Variants in PLD5 observed in about 807,000 individuals in gnomAD.
The protein encoded by PLD5 is inactive phospholipase D5.
PLD5 carries 36 observed loss-of-function variants against 61.1 expected under a neutral mutation model. The observed-to-expected ratio is 0.59, with a 90% CI of 0.45 to 0.78. The LOEUF is 0.78. PLD5 is among the 30% of genes least tolerant of loss of function. The pLI is 0.00. For missense variants in PLD5, 515 were observed against 644.4 expected (o/e 0.80, Z 2.17); for synonymous variants, 243 against 242.8 (o/e 1.00, Z -0.01).
At chr1:242,295,116 C>T (rs1395556134) in intron 2 of PLD5, among the ~76,000 whole-genome samples, 1 of 152,044 alleles carries the variant, frequency 6.6e-6, no homozygotes, top group African/African-American at 2.4e-5. Context: ...GGTTTTTTTA[C>T]CCTTACTGTG....
rs997305946 is a variant in PLD5 at position 242,430,091 on chromosome 1, A to G, written c.190-81849T>C. On this transcript the variant is annotated intron_variant, in intron 1 of 9. Transcript: ENST00000536534. Reference sequence around the variant, plus strand: ...AGTCTTTAAGGGGCCAGGAATCCCAAAACACCACTAGAATTCCATGTAATT... The same window carrying G: ...AGTCTTTAAGGGGCCAGGAATCCCAGAACACCACTAGAATTCCATGTAATT... Among the ~76,000 whole-genome samples the G allele has an allele frequency of 3.9e-5, 6 of 151,934 alleles. No individual in the cohort carries two copies. The South Asian group carries it at 1.2e-3, about 32-fold the overall frequency.
intron 4 of PLD5, among the ~76,000 whole-genome samples, chr1:242,251,160 A>G (rs79183780): frequency 0.18 from 27,543 of 152,084 alleles, 2,660 homozygotes; most frequent in Middle Eastern, 0.24. Context: ...TTTGCAGTTG[A>G]ATATTTGTGC....
At chr1:242,401,402 A>C (rs1264774243) in intron 1 of PLD5, among the ~76,000 whole-genome samples, 1 of 152,080 alleles carries the variant, frequency 6.6e-6, no homozygotes, top group African/African-American at 2.4e-5. Context: ...GTAACAAGAA[A>C]CAGGATCATG....
intron 6 of PLD5, among the ~76,000 whole-genome samples, chr1:242,118,710 A>T (rs1662138993): frequency 6.6e-6 from 1 of 152,156 alleles, no homozygotes; most frequent in Non-Finnish European, 1.5e-5. Flanking sequence ...CCACTGCCTG[A>T]CACAATGGCA....
intron 5 of PLD5, among the ~76,000 whole-genome samples, chr1:242,208,194 A>G (rs1366238756): frequency 1.3e-5 from 2 of 151,466 alleles, no homozygotes; most frequent in Non-Finnish European, 1.5e-5. Context: ...GCTAATAAGC[A>G]GGATCTCTTT....
At chr1:242,188,185 G>C (rs948515555) in intron 5 of PLD5, among the ~76,000 whole-genome samples, 6 of 152,186 alleles carry the variant, frequency 3.9e-5, no homozygotes, top group Admixed American at 1.3e-4. Flanking sequence ...AAATCAACTG[G>C]ATCACAGAGC....
At chr1:242,478,530 T>C (rs1167389721) in intron 1 of PLD5, among the ~76,000 whole-genome samples, 1 of 152,258 alleles carries the variant, frequency 6.6e-6, no homozygotes, top group African/African-American at 2.4e-5. Flanking sequence ...AGAACTGATA[T>C]ACAACTTTCT....
chr1:242,344,508 G>A (rs1395014597), intron 2 of PLD5, among the ~76,000 whole-genome samples: 1 of 152,152 alleles, frequency 6.6e-6, no homozygotes, highest in Non-Finnish European at 1.5e-5. Flanking sequence ...GGAGGAAAAG[G>A]AAGTAGGTTG....
At chr1:242,150,603 T>A (rs544612761) in intron 5 of PLD5, among the ~76,000 whole-genome samples, 1 of 152,012 alleles carries the variant, frequency 6.6e-6, no homozygotes, top group South Asian at 2.1e-4. Flanking sequence ...CTGAAGTCTA[T>A]TTTGATACTG....
intron 9 of PLD5, among the ~76,000 whole-genome samples, chr1:242,099,848 C>T (rs563176362): frequency 1.3e-5 from 2 of 152,326 alleles, no homozygotes; most frequent in East Asian, 3.9e-4. Context: ...GCTGCTTCAT[C>T]TGTACAATGT....
intron 4 of PLD5, among the ~76,000 whole-genome samples, chr1:242,249,708 A>G (rs1275545216): frequency 1.3e-5 from 2 of 152,212 alleles, no homozygotes; most frequent in African/African-American, 4.8e-5. Context: ...AACTGGGCAA[A>G]TGACCAGAAA....
intron 1 of PLD5, among the ~76,000 whole-genome samples, chr1:242,393,227 T>C (rs533622222): frequency 0.069 from 5,085 of 73,860 alleles, 992 homozygotes; most frequent in Non-Finnish European, 0.095. Context: ...TATATATGAG[T>C]ATATATATGT....
At chr1:242,301,936 C>A (rs1362090248) in intron 2 of PLD5, among the ~76,000 whole-genome samples, 2 of 151,838 alleles carry the variant, frequency 1.3e-5, no homozygotes, top group African/African-American at 4.9e-5. Flanking sequence ...TGCCACCACA[C>A]CCGGCTAATT....
At chr1:242,108,036 T>C (rs903079415) in intron 7 of PLD5, among the ~76,000 whole-genome samples, 197 bp from the exon 8 acceptor site, 3 of 152,122 alleles carry the variant, frequency 2.0e-5, no homozygotes, top group Admixed American at 1.3e-4. Flanking sequence ...TGCTGGGACC[T>C]GCCCCTGCCT....
intron 1 of PLD5, among the ~76,000 whole-genome samples, chr1:242,462,378 CACAGGA>C (rs1181047999): frequency 2.0e-5 from 3 of 152,046 alleles, no homozygotes; most frequent in Admixed American, 6.6e-5. Flanking sequence ...GAGGAATTAA[CACAGGA>C]ACAGAAAACC....
At chr1:242,511,713 G>T (rs1456579653) in intron 1 of PLD5, among the ~76,000 whole-genome samples, 3 of 152,162 alleles carry the variant, frequency 2.0e-5, no homozygotes, top group Non-Finnish European at 4.4e-5. Flanking sequence ...GACAAGAGGT[G>T]ACCAGGGACA....
At chr1:242,511,142 A>T (rs1397399377) in intron 1 of PLD5, among the ~76,000 whole-genome samples, 1 of 152,212 alleles carries the variant, frequency 6.6e-6, no homozygotes, top group Non-Finnish European at 1.5e-5. Flanking sequence ...GGCTCACCTA[A>T]AGGAGCTTCT....
chr1:242,269,004 G>A (rs912382931), intron 3 of PLD5, among the ~76,000 whole-genome samples: 20 of 151,950 alleles, frequency 1.3e-4, no homozygotes, highest in African/African-American at 4.8e-4. Context: ...CACCATGATC[G>A]ACTAATTTTT....
intron 4 of PLD5, among the ~76,000 whole-genome samples, chr1:242,252,902 C>T (rs890288748): frequency 5.3e-5 from 8 of 150,032 alleles, no homozygotes; most frequent in African/African-American, 1.5e-4. Context: ...CTGCAACTTC[C>T]GCCTCCTGAG....
Sources: gnomAD v4.1 joint callset for allele counts (sites outside exome capture counted in the v4.1 genomes callset) on GRCh38, gnomAD v4.1.1 for gene constraint, MANE v1.5 for transcripts, NCBI Gene and HGNC (gene_info 2026-07-23, HGNC 2026-07-21) for gene names.